Variants in DNAJC15 observed in about 807,000 individuals in gnomAD.
DNAJC15 encodes the protein DnaJ heat shock protein family (Hsp40) member C15.
Under a neutral mutation model 22.4 loss-of-function variants are expected in DNAJC15, and 27 were observed. The observed-to-expected ratio is 1.20, with a 90% CI of 0.89 to 1.66. DNAJC15 has a LOEUF of 1.66. DNAJC15 is among the 40% of genes most tolerant of loss of function. The probability of loss-of-function intolerance (pLI) is 0.00; values close to 1 mark genes in which losing one functional copy is unlikely to be tolerated. For missense variants in DNAJC15, 208 were observed against 187.1 expected (o/e 1.11, Z -0.65); for synonymous variants, 79 against 63.2 (o/e 1.25, Z -1.19).
At position 43,069,001 on chromosome 13, in the gene DNAJC15, C is replaced by A. The variant is rs1168402378; in HGVS notation, c.232C>A (p.Pro78Thr). 6.2e-7 allele frequency: 1 copy of A among 1,611,286 alleles called. No homozygotes were observed. The highest frequency in any genetic ancestry group is 8.5e-7 in the Non-Finnish European group (1 of 1,178,722). The change falls in exon 3 of 6, where the codon CCT becomes ACT. Residue 78 changes from proline (P) to threonine (T), a missense_variant and splice_region_variant. Pro to Thr is a conservative substitution (Grantham distance 38). Coordinates refer to ENST00000379221, the MANE Select transcript of DNAJC15 (RefSeq NM_013238.3). ...ITETAKKISTPSFSSYYKGGF... is the reference protein window; with the variant it reads ...ITETAKKISTTSFSSYYKGGF... ...AGAAACTGCAAAGAAGATTTCAACT[C>A]CTGTAAGTTAAACGTGGCTTTAGTT...
intron 5 of DNAJC15, among the ~76,000 whole-genome samples, chr13:43,106,592 A>AT (rs1209141367): frequency 1.3e-5 from 2 of 152,106 alleles, no homozygotes; most frequent in Non-Finnish European, 2.9e-5. Context: ...ATTTTTTGAC[A>AT]TTATTTTTAT....
intron 5 of DNAJC15, among the ~76,000 whole-genome samples, chr13:43,102,373 G>A (rs1402771153): frequency 6.6e-6 from 1 of 152,120 alleles, no homozygotes; most frequent in East Asian, 1.9e-4. Context: ...CTCCTACTCT[G>A]TGGGTTGTCT....
intron 3 of DNAJC15, among the ~76,000 whole-genome samples, chr13:43,072,799 A>G (rs2040615084): frequency 6.6e-6 from 1 of 152,086 alleles, no homozygotes; most frequent in African/African-American, 2.4e-5. Flanking sequence ...TCTGACCTCA[A>G]GTGATCCACC....
chr13:43,110,200 T>C lies in DNAJC15; in HGVS notation c.*2952T>C, dbSNP rs1333296458. ...GAGCCTCAGTTCCTTTCTGCACAGG[T>C]TCCTCTTTACATAGGCTTCTCAACA... On this transcript the variant is annotated 3_prime_UTR_variant, in exon 6 of 6. Transcript: ENST00000379221. The C allele has an allele frequency of 6.6e-6, 1 of 152,190 alleles. No homozygotes were observed. Among genetic ancestry groups the C allele is most frequent in the Non-Finnish European group, 1.5e-5 (1 of 68,060 alleles). 9.4% of individuals were successfully genotyped at this position (152,190 alleles called of 1,614,324 possible).
rs567736304 is a variant in DNAJC15 at position 43,045,384 on chromosome 13, C to T, written c.109-20302C>T. Among the ~76,000 whole-genome samples the T allele has an allele frequency of 7.2e-5, 11 of 152,316 alleles. No individual in the cohort carries two copies. In the South Asian group the frequency reaches 1.0e-3, roughly 14 times the overall value. On this transcript the variant is annotated intron_variant, in intron 1 of 5. Coordinates refer to ENST00000379221, the MANE Select transcript of DNAJC15 (RefSeq NM_013238.3). ...AGGAAGGGCTTTATTCAGCTGGGAGCATCGGCAAGCTACTGTCTTAAAATC... is the reference window on the plus strand; with the variant it reads ...AGGAAGGGCTTTATTCAGCTGGGAGTATCGGCAAGCTACTGTCTTAAAATC...
chr13:43,062,706 T>C (rs748299704), intron 1 of DNAJC15, among the ~76,000 whole-genome samples: 4 of 152,160 alleles, frequency 2.6e-5, no homozygotes, highest in Non-Finnish European at 4.4e-5. Context: ...TTAAATACTT[T>C]ATATTTTTCT....
intron 1 of DNAJC15, among the ~76,000 whole-genome samples, chr13:43,044,291 A>G (rs1352670712): frequency 1.3e-5 from 2 of 152,226 alleles, no homozygotes; most frequent in African/African-American, 4.8e-5. Context: ...ACAAAGAATG[A>G]ATGTTTTCCA....
chr13:43,097,394 T>C (rs1397893408), intron 5 of DNAJC15, among the ~76,000 whole-genome samples: 1 of 152,042 alleles, frequency 6.6e-6, no homozygotes, highest in Admixed American at 6.6e-5. Context: ...GAAATACAAT[T>C]GGAGAGGAAG....
intron 1 of DNAJC15, among the ~76,000 whole-genome samples, chr13:43,053,566 G>A (rs576784940): frequency 6.6e-6 from 1 of 152,232 alleles, no homozygotes; most frequent in Non-Finnish European, 1.5e-5. Context: ...TGTGTTGTGT[G>A]TGATTTCTTT....
chr13:43,083,313 G>GC (rs1566213239), intron 4 of DNAJC15, among the ~76,000 whole-genome samples: 1 of 151,852 alleles, frequency 6.6e-6, no homozygotes, highest in African/African-American at 2.4e-5. Context: ...GACCACAGGC[G>GC]CCCGCCACCA....
intron 1 of DNAJC15, among the ~76,000 whole-genome samples, chr13:43,047,632 A>G (rs1289240289): frequency 6.6e-6 from 1 of 152,236 alleles, no homozygotes; most frequent in African/African-American, 2.4e-5. Flanking sequence ...ATGGGCCCAA[A>G]GAGAATAGCT....
intron 4 of DNAJC15, among the ~76,000 whole-genome samples, chr13:43,080,872 T>G (rs2153441428): frequency 6.6e-6 from 1 of 152,360 alleles, no homozygotes; most frequent in Non-Finnish European, 1.5e-5. Flanking sequence ...TAAATGAAAC[T>G]TATCTGCTTT....
chr13:43,092,715 C>T (rs556303910), intron 5 of DNAJC15, among the ~76,000 whole-genome samples: 6 of 152,102 alleles, frequency 3.9e-5, no homozygotes, highest in Non-Finnish European at 7.3e-5. Flanking sequence ...AATTCAAGAC[C>T]AGCCTGGGCA....
At chr13:43,063,548 CTCTGGTTACTCTTG>C (rs2040569384) in intron 1 of DNAJC15, among the ~76,000 whole-genome samples, 2 of 152,130 alleles carry the variant, frequency 1.3e-5, no homozygotes, top group African/African-American at 4.8e-5. Flanking sequence ...TGTTAGTATT[CTCTGGTTACTCTTG>C]AAATTGAGCG....
intron 1 of DNAJC15, among the ~76,000 whole-genome samples, chr13:43,031,546 G>A (rs923096871): frequency 1.4e-4 from 22 of 152,168 alleles, no homozygotes; most frequent in African/African-American, 5.1e-4. Flanking sequence ...GGAGTGTAGA[G>A]GAGGAGATGA....
intron 1 of DNAJC15, among the ~76,000 whole-genome samples, chr13:43,062,817 C>G (rs150764382): frequency 5.7e-4 from 87 of 152,092 alleles, no homozygotes; most frequent in African/African-American, 2.0e-3. Context: ...CTCCTGGGTT[C>G]AAGTGATTCT....
intron 1 of DNAJC15, among the ~76,000 whole-genome samples, chr13:43,024,604 A>C (rs1324422662): frequency 2.6e-5 from 4 of 151,968 alleles, no homozygotes; most frequent in Non-Finnish European, 5.9e-5. Flanking sequence ...TCGGCCTCCC[A>C]AAGTGCTGGG....
intron 3 of DNAJC15, among the ~76,000 whole-genome samples, chr13:43,076,610 A>G (rs1462028622): frequency 6.6e-6 from 1 of 152,196 alleles, no homozygotes; most frequent in Non-Finnish European, 1.5e-5. Context: ...TACTTTTGTA[A>G]GGAAATGGTT....
intron 1 of DNAJC15, among the ~76,000 whole-genome samples, chr13:43,037,561 A>T (rs947866506): frequency 6.6e-6 from 1 of 152,198 alleles, no homozygotes; most frequent in Non-Finnish European, 1.5e-5. Context: ...ATGTTAAAAC[A>T]TGTTAAACCC....
Sources: allele counts gnomAD v4.1 joint callset (sites outside exome capture counted in the v4.1 genomes callset), GRCh38; gene constraint gnomAD v4.1.1; transcripts MANE v1.5; gene names NCBI Gene and HGNC (gene_info 2026-07-23, HGNC 2026-07-21).